Variants in RTTN observed in about 807,000 individuals in gnomAD.
RTTN encodes rotatin.
RTTN carries 182 observed loss-of-function variants against 269.2 expected under a neutral mutation model. That is an observed-to-expected ratio of 0.68 (90% confidence interval 0.60 to 0.76). The LOEUF is 0.76. RTTN is among the 30% of genes least tolerant of loss of function. The pLI is 0.00. For synonymous variants in RTTN, 1,006 were observed against 963.5 expected (o/e 1.04, Z -0.82); for missense variants, 2,545 against 2,608.6 (o/e 0.98, Z 0.53).
chr18:70,132,198 GTGGAGATTT>G (rs1568435118), intron 23 of RTTN, among the ~76,000 whole-genome samples: 1 of 152,182 alleles, frequency 6.6e-6, no homozygotes, highest in East Asian at 1.9e-4. Context: ...CAATGTCATA[GTGGAGATTT>G]TAACATGCCT....
At chr18:70,126,548 C>G (rs2059870039) in intron 25 of RTTN, among the ~76,000 whole-genome samples, 1 of 152,014 alleles carries the variant, frequency 6.6e-6, no homozygotes, top group African/African-American at 2.4e-5. Flanking sequence ...AAATACATAC[C>G]CCTGTAGTGC....
chr18:70,107,962 C>T (rs1379762275), intron 28 of RTTN, among the ~76,000 whole-genome samples: 1 of 152,118 alleles, frequency 6.6e-6, no homozygotes, highest in African/African-American at 2.4e-5. Context: ...AAACTCTGAA[C>T]GATTTTAGAT....
intron 28 of RTTN, among the ~76,000 whole-genome samples, chr18:70,096,415 G>GT (rs2059005934): frequency 6.6e-6 from 1 of 152,176 alleles, no homozygotes; most frequent in Non-Finnish European, 1.5e-5. Flanking sequence ...TTTGCACTGG[G>GT]TTTTCCTCAT....
chr18:70,052,665 G>A (rs1424720609), intron 38 of RTTN, among the ~76,000 whole-genome samples: 4 of 77,392 alleles, frequency 5.2e-5, no homozygotes, highest in Non-Finnish European at 7.4e-5. Context: ...TCATCACAAT[G>A]TGTCAATTTA....
chr18:70,184,583 C>A (rs1313784576), intron 10 of RTTN, among the ~76,000 whole-genome samples: 2 of 151,016 alleles, frequency 1.3e-5, no homozygotes, highest in African/African-American at 4.9e-5. Context: ...AAATAATGAG[C>A]TAAACAAGTG....
At chr18:70,088,203 A>G (rs2058752838) in intron 30 of RTTN, 56 bp from the exon 31 acceptor site, 2 of 1,491,292 alleles carry the variant, frequency 1.3e-6, no homozygotes, top group Non-Finnish European at 1.8e-6. Flanking sequence ...CCTAACATGA[A>G]TTCTTAGTTT....
chr18:70,011,631 C>T (rs1317641467), intron 46 of RTTN, among the ~76,000 whole-genome samples: 3 of 152,240 alleles, frequency 2.0e-5, no homozygotes, highest in African/African-American at 7.2e-5. Context: ...CAGCCAATAT[C>T]ACACTGAATG....
rs116336848 is a variant in RTTN, at chr18:70,084,979, T to C, written c.4374+1634A>G. 1.8e-3 allele frequency among the ~76,000 whole-genome samples: 279 copies of C among 152,306 alleles called. 2 individuals are homozygous for C. Among genetic ancestry groups the C allele is most frequent in the African/African-American group, 6.1e-3 (252 of 41,574 alleles). ...TGAACAGCTACATACGGTTCTGTATTACAACATAATGTCCCAGGAACTTTA... is the reference window on the plus strand; with the variant it reads ...TGAACAGCTACATACGGTTCTGTATCACAACATAATGTCCCAGGAACTTTA... On this transcript the variant is annotated intron_variant, in intron 32 of 48. Transcript: ENST00000640769.
At chr18:70,069,347 A>G (rs559846103) in intron 34 of RTTN, among the ~76,000 whole-genome samples, 1 of 152,142 alleles carries the variant, frequency 6.6e-6, no homozygotes, top group African/African-American at 2.4e-5. Context: ...TTTTAGCTCA[A>G]AACTAGGGGA....
chr18:70,031,048 A>T (rs2056998134), intron 40 of RTTN, 67 bp from the exon 41 acceptor site: 2 of 1,073,586 alleles, frequency 1.9e-6, no homozygotes, highest in African/African-American at 1.6e-5. Context: ...GTTGTGAATA[A>T]AGAACATTTT....
At chr18:70,180,603 A>AC (rs2061402293) in intron 10 of RTTN, among the ~76,000 whole-genome samples, 1 of 150,848 alleles carries the variant, frequency 6.6e-6, no homozygotes. Context: ...AAAAAAAAAA[A>AC]AAAAAGCCCT....
chr18:70,088,417 T>G (rs1417652603), intron 30 of RTTN, among the ~76,000 whole-genome samples: 1 of 152,226 alleles, frequency 6.6e-6, no homozygotes, highest in East Asian at 1.9e-4. Context: ...CAAGCCTTTT[T>G]CTAAGGAAAG....
chr18:70,188,039 C>G, intron 10 of RTTN, 69 bp downstream of exon 10: 1 of 836,104 alleles, frequency 1.2e-6, no homozygotes, highest in Non-Finnish European at 2.0e-6. Context: ...GACAATGAAA[C>G]CGGCTTAAAA....
At chr18:70,184,002 A>G (rs2061476273) in intron 10 of RTTN, among the ~76,000 whole-genome samples, 1 of 152,168 alleles carries the variant, frequency 6.6e-6, no homozygotes, top group African/African-American at 2.4e-5. Context: ...TCCTGGCTTC[A>G]AGTAATGCTC....
intron 32 of RTTN, among the ~76,000 whole-genome samples, chr18:70,085,519 T>C (rs934746476): frequency 7.2e-5 from 11 of 152,200 alleles, no homozygotes; most frequent in African/African-American, 2.4e-4. Flanking sequence ...AAATAAACCT[T>C]AGATTTATAC....
At chr18:70,045,790 G>T (rs971739841) in intron 40 of RTTN, among the ~76,000 whole-genome samples, 3 of 152,116 alleles carry the variant, frequency 2.0e-5, no homozygotes, top group African/African-American at 7.2e-5. Context: ...CAAAGAGTAT[G>T]ATTTATTAGG....
chr18:70,174,267 T>A (rs185107808), intron 11 of RTTN, among the ~76,000 whole-genome samples: 1 of 152,286 alleles, frequency 6.6e-6, no homozygotes, highest in Non-Finnish European at 1.5e-5. Context: ...AAACTGTAAT[T>A]GGCAAACACA....
chr18:70,065,895 A>T lies in RTTN; in HGVS notation c.4681T>A (p.Phe1561Ile), dbSNP rs776465734. ...TVAPSLGSTE[F>I]QPLVQSTTLL... ...GTTGTTGACTGCACAAGTGGCTGAA[A>T]TTCAGTACTCCCCAATGAAGGTGCC... The change falls in exon 35 of 49, where the codon TTT (phenylalanine) becomes ATT (isoleucine). Residue 1561 changes from phenylalanine to isoleucine, a missense_variant. Coordinates refer to ENST00000640769, the MANE Select transcript of RTTN (RefSeq NM_173630.4). 2 of 1,603,504 alleles carry T rather than the reference A, an allele frequency of 1.2e-6. No homozygotes were observed. Among genetic ancestry groups the T allele is most frequent in the Middle Eastern group, 1.7e-4 (1 of 6,024 alleles).
At chr18:70,137,124 GA>G (rs1287154161) in intron 21 of RTTN, among the ~76,000 whole-genome samples, 1 of 152,110 alleles carries the variant, frequency 6.6e-6, no homozygotes, top group Non-Finnish European at 1.5e-5. Context: ...AAAACTTTTA[GA>G]ATTTGTATAG....
Sources: allele counts gnomAD v4.1 joint callset (sites outside exome capture counted in the v4.1 genomes callset), GRCh38; gene constraint gnomAD v4.1.1; transcripts MANE v1.5; gene names NCBI Gene and HGNC (gene_info 2026-07-23, HGNC 2026-07-21).